PRKDC: variants seen among roughly 807,000 people sequenced by gnomAD.
PRKDC encodes protein kinase, DNA-activated, catalytic subunit.
PRKDC carries 82 observed loss-of-function variants against 486.9 expected under a neutral mutation model. The observed-to-expected ratio is 0.17, with a 90% CI of 0.14 to 0.20. The LOEUF is 0.20. Among genes scored for constraint, PRKDC ranks in the 10% least tolerant of loss-of-function variants. The pLI is 1.00. For missense variants in PRKDC, 4,504 were observed against 5,038.2 expected (o/e 0.89, Z 3.21); for synonymous variants, 1,895 against 1,837.0 (o/e 1.03, Z -0.81).
In PRKDC at chr8:47,834,510, C is replaced by G; in HGVS notation, c.7952-114G>C. 3.7e-6 allele frequency: 4 copies of G among 1,069,148 alleles called. No homozygotes were observed. The South Asian group carries it at 6.2e-5, about 17-fold the overall frequency. The allele number at this position is 1,069,148 out of a possible 1,614,324, so 66.2% of individuals were successfully genotyped here. On this transcript the variant is annotated intron_variant, in intron 58 of 85. Coordinates refer to ENST00000314191, the MANE Select transcript of PRKDC (RefSeq NM_006904.7). Reference sequence around the variant, plus strand: ...CACCCTAGGCCTCCGTGCTCAACTCCAACCCTGGGCAGAGGCTCTGTCAGG... The same window carrying G: ...CACCCTAGGCCTCCGTGCTCAACTCGAACCCTGGGCAGAGGCTCTGTCAGG...
At chr8:47,776,818 G>GT (rs765054749) in intron 85 of PRKDC, 26 bp downstream of exon 85, 121 of 1,612,970 alleles carry the variant, frequency 7.5e-5, no homozygotes, top group Admixed American at 1.8e-4. Context: ...TAGTCCGTTA[G>GT]TTTTTTCCAC....
At chr8:47,825,519 A>AAAC (rs2087718284) in intron 63 of PRKDC, among the ~76,000 whole-genome samples, 4 of 151,080 alleles carry the variant, frequency 2.6e-5, no homozygotes, top group African/African-American at 9.7e-5. Flanking sequence ...AAAAAAAAAA[A>AAAC]AAAAAAAAAA....
intron 11 of PRKDC, among the ~76,000 whole-genome samples, chr8:47,937,608 C>T (rs2090374187): frequency 6.6e-6 from 1 of 152,212 alleles, no homozygotes; most frequent in Non-Finnish European, 1.5e-5. Flanking sequence ...CTAGTCCAGG[C>T]TCCCCGAGGA....
intron 68 of PRKDC, among the ~76,000 whole-genome samples, chr8:47,814,404 C>T (rs1178873775): frequency 6.6e-6 from 1 of 152,026 alleles, no homozygotes; most frequent in Non-Finnish European, 1.5e-5. Flanking sequence ...GCATAAAGTT[C>T]AGAAAGAAAG....
chr8:47,871,406 C>G (rs1410985859), intron 40 of PRKDC, among the ~76,000 whole-genome samples: 1 of 152,114 alleles, frequency 6.6e-6, no homozygotes, highest in Non-Finnish European at 1.5e-5. Context: ...TGGGTGGAAA[C>G]TTTACAGGCG....
chr8:47,871,593 G>T lies in PRKDC; in HGVS notation c.5363+6131C>A, dbSNP rs371417538. On this transcript the variant is annotated intron_variant, in intron 40 of 85. Coordinates refer to ENST00000314191, the MANE Select transcript of PRKDC (RefSeq NM_006904.7). ...AGAAATGATAAAAGGAGTTTTTTTT[G>T]TTGTTGTTGTTTTTGTTTTTTTAAG... Among the ~76,000 whole-genome samples, 674 of 152,114 alleles carry T rather than the reference G, an allele frequency of 4.4e-3. 8 individuals are homozygous for T. Among genetic ancestry groups the T allele is most frequent in the Non-Finnish European group, 4.3e-3 (289 of 67,960 alleles).
chr8:47,792,311 TGCAGTG>T (rs2086895492), intron 74 of PRKDC, among the ~76,000 whole-genome samples: 1 of 149,012 alleles, frequency 6.7e-6, no homozygotes, highest in African/African-American at 2.5e-5. Context: ...CAGGCTGGAG[TGCAGTG>T]GCTTGATCTC....
intron 68 of PRKDC, among the ~76,000 whole-genome samples, 194 bp from the exon 69 acceptor site, chr8:47,807,520 G>A (rs1225927438): frequency 1.3e-5 from 2 of 152,100 alleles, no homozygotes; most frequent in East Asian, 1.9e-4. Context: ...CCGGGTTCAC[G>A]TCATTCTCCT....
chr8:47,898,773 A>T (rs1051929686), intron 28 of PRKDC, among the ~76,000 whole-genome samples: 1 of 152,278 alleles, frequency 6.6e-6, no homozygotes, highest in Non-Finnish European at 1.5e-5. Context: ...ACCCCTATTT[A>T]AGACTGCAGG....
chr8:47,821,907 G>T, intron 64 of PRKDC, 115 bp from the exon 65 acceptor site: 1 of 981,908 alleles, frequency 1.0e-6, no homozygotes, highest in Non-Finnish European at 1.4e-6. Flanking sequence ...TCAGATTTAC[G>T]GAAAGGAGAG....
At chr8:47,952,112 A>C (rs2154504504) in intron 7 of PRKDC, among the ~76,000 whole-genome samples, 1 of 152,350 alleles carries the variant, frequency 6.6e-6, no homozygotes, top group Non-Finnish European at 1.5e-5. Flanking sequence ...TCACAATTCT[A>C]AGTATATATC....
At position 47,863,543 on chromosome 8, in the gene PRKDC, T is replaced by C; in HGVS notation, c.5606A>G (p.Lys1869Arg). Residue 1869 changes from lysine to arginine, a missense_variant, in exon 42 of 86, where the codon AAG becomes AGG. Lys to Arg is a conservative substitution (Grantham distance 26). Around this residue, in one of 6 missense-constraint regions of PRKDC, gnomAD observed 80 missense variants for 132.3 expected, o/e 0.60. Coordinates refer to ENST00000314191, the MANE Select transcript of PRKDC (RefSeq NM_006904.7). ...NESTFDTQIT[K>R]KMGYYKILDV... ...TAGAATCTTATAGTAGCCCATCTTC[T>C]TGGTGATTTGAGTATCAAAGGTAGA... 1 of 1,612,712 alleles carries C rather than the reference T, an allele frequency of 6.2e-7. No individual in the cohort carries two copies. Among genetic ancestry groups the C allele is most frequent in the Non-Finnish European group, 8.5e-7 (1 of 1,179,208 alleles).
At position 47,821,809 on chromosome 8, in the gene PRKDC, A is replaced by C; in HGVS notation, c.8923-17T>G. The C allele has an allele frequency of 6.6e-7, 1 of 1,519,844 alleles. No homozygotes were observed. Among genetic ancestry groups the C allele is most frequent in the African/African-American group, 1.4e-5 (1 of 70,474 alleles). The allele number at this position is 1,519,844 out of a possible 1,614,324, so 94.1% of individuals were successfully genotyped here. On this transcript the variant is annotated splice_polypyrimidine_tract_variant and intron_variant, in intron 64 of 85. Coordinates refer to ENST00000314191, the MANE Select transcript of PRKDC (RefSeq NM_006904.7). ...ATTGAGAGCCTAGTGGAGAAAAGTT[A>C]ATAAAATTATTTTACAAAGTTGGAA...
chr8:47,869,565 C>T (rs566200407), intron 40 of PRKDC, among the ~76,000 whole-genome samples: 1 of 151,906 alleles, frequency 6.6e-6, no homozygotes, highest in African/African-American at 2.4e-5. Context: ...CAGGGCCACG[C>T]TGGCTTCGAG....
intron 21 of PRKDC, 23 bp from the exon 22 acceptor site, chr8:47,918,406 A>C (rs2090022712): frequency 1.4e-6 from 2 of 1,400,374 alleles, no homozygotes; most frequent in Admixed American, 4.7e-5. Context: ...AACGAAAATA[A>C]ATTTAAAATA....
chr8:47,783,927 GAA>G, intron 77 of PRKDC, 118 bp from the exon 78 acceptor site: 2 of 1,044,128 alleles, frequency 1.9e-6, no homozygotes, highest in Non-Finnish European at 2.9e-6. Context: ...ACCTTTTACT[GAA>G]AAGTTTTCAC....
chr8:47,935,086 G>A (rs369455261), intron 13 of PRKDC, 28 bp from the exon 14 acceptor site: 3 of 1,392,772 alleles, frequency 2.2e-6, no homozygotes, highest in African/African-American at 2.9e-5. Context: ...AAACAAAAAT[G>A]AAGGAAACAC....
intron 7 of PRKDC, among the ~76,000 whole-genome samples, chr8:47,944,850 G>C (rs2090504795): frequency 1.3e-5 from 2 of 152,180 alleles, no homozygotes; most frequent in Non-Finnish European, 2.9e-5. Flanking sequence ...GAGGTGGAGA[G>C]AGAATGTGGT....
At position 47,912,534 on chromosome 8, in the gene PRKDC, A is replaced by G. The variant is rs757303989; in HGVS notation, c.2810T>C (p.Met937Thr). 1.4e-5 allele frequency: 22 copies of G among 1,612,568 alleles called. No individual in the cohort carries two copies. Among genetic ancestry groups the G allele is most frequent in the Non-Finnish European group, 1.8e-5 (21 of 1,179,170 alleles). The change falls in exon 25 of 86, where the codon ATG (methionine) becomes ACG (threonine). Residue 937 changes from methionine to threonine, a missense_variant. Around this residue, in one of 6 missense-constraint regions of PRKDC, gnomAD observed 1,969 missense variants for 2,068.9 expected, o/e 0.95. Coordinates refer to ENST00000314191, the MANE Select transcript of PRKDC (RefSeq NM_006904.7). The stretch of plus-strand genomic sequence containing the variant: ...GGCTTTGCCCAACATAAACATAACC[A>G]TGCTATGTAAAAGTTCACAGGCTGC... ...KVAACELLHS[M>T]VMFMLGKATQ...
Sources: gnomAD v4.1 joint callset for allele counts (sites outside exome capture counted in the v4.1 genomes callset) on GRCh38, gnomAD v4.1.1 for gene constraint, gnomAD v4.1.1 regional missense constraint, MANE v1.5 for transcripts, NCBI Gene and HGNC (gene_info 2026-07-23, HGNC 2026-07-21) for gene names.